ASTN1: variants seen among roughly 807,000 people sequenced by gnomAD.
ASTN1 encodes the protein astrotactin-1.
In ASTN1, 41 loss-of-function variants were observed where a neutral mutation model predicts 140.7. The observed-to-expected ratio is 0.29, with a 90% CI of 0.23 to 0.38. The LOEUF (loss-of-function observed/expected upper bound fraction) is 0.38. Ranked by LOEUF, ASTN1 falls within the 10% of genes least tolerant of loss-of-function variation. The pLI is 1.00. For synonymous variants in ASTN1, 640 were observed against 652.2 expected (o/e 0.98, Z 0.29); for missense variants, 1,479 against 1,678.8 (o/e 0.88, Z 2.08).
At chr1:177,065,434 C>G (rs1414557930) in intron 1 of ASTN1, among the ~76,000 whole-genome samples, 1 of 152,074 alleles carries the variant, frequency 6.6e-6, no homozygotes, top group African/African-American at 2.4e-5. Context: ...TTACATGGTC[C>G]CTATTCTCAA....
intron 20 of ASTN1, among the ~76,000 whole-genome samples, chr1:176,882,278 A>G (rs1668834929): frequency 6.6e-6 from 1 of 152,208 alleles, no homozygotes; most frequent in Non-Finnish European, 1.5e-5. Context: ...AGTTCTTGGT[A>G]TTCTATGCCT....
chr1:176,927,942 C>T (rs145706434), intron 16 of ASTN1, among the ~76,000 whole-genome samples: 3 of 152,000 alleles, frequency 2.0e-5, no homozygotes, highest in Admixed American at 6.6e-5. Flanking sequence ...GTCCCTCATC[C>T]ATATCTCTAA....
chr1:176,934,599 C>G (rs1372146889), intron 15 of ASTN1, among the ~76,000 whole-genome samples: 1 of 151,682 alleles, frequency 6.6e-6, no homozygotes, highest in African/African-American at 2.4e-5. Context: ...TACTCCTGTC[C>G]CCTTTAAATC....
At chr1:176,958,279 C>T in intron 10 of ASTN1, 66 bp downstream of exon 10, 1 of 1,607,290 alleles carries the variant, frequency 6.2e-7, no homozygotes, top group Non-Finnish European at 8.5e-7. Context: ...CACCTAAAAC[C>T]TACAGGTAGT....
In ASTN1 at chr1:176,925,967, A is replaced by G. The variant is rs562261018; in HGVS notation, c.2671+8185T>C. 1.1e-4 allele frequency among the ~76,000 whole-genome samples: 16 copies of G among 151,968 alleles called. 1 individual carries two copies. The South Asian group carries it at 2.7e-3, about 26-fold the overall frequency. The stretch of plus-strand genomic sequence containing the variant: ...ACTACAGGTGCCCGGCACCACGCCC[A>G]GCTAATTTTTTTGTATTTTTTAGTA... On this transcript the variant is annotated intron_variant, in intron 16 of 22. Transcript: ENST00000361833.
chr1:176,961,872 C>G (rs1672680092), intron 9 of ASTN1, among the ~76,000 whole-genome samples: 1 of 152,180 alleles, frequency 6.6e-6, no homozygotes, highest in African/African-American at 2.4e-5. Flanking sequence ...CTGGAGACAG[C>G]TGGTGCTGAC....
At chr1:177,064,128 T>C (rs1003268204) in intron 1 of ASTN1, among the ~76,000 whole-genome samples, 7 of 152,250 alleles carry the variant, frequency 4.6e-5, no homozygotes, top group East Asian at 1.9e-4. Context: ...AAGGCTGATG[T>C]GGATGAACAA....
At chr1:177,014,049 T>TAAA in intron 8 of ASTN1, among the ~76,000 whole-genome samples, 1 of 134,722 alleles carries the variant, frequency 7.4e-6, no homozygotes, top group Non-Finnish European at 1.6e-5. Flanking sequence ...ATGTCTCAAT[T>TAAA]AAAAAAAAAA....
At chr1:176,914,373 T>C (rs1329978246) in intron 16 of ASTN1, among the ~76,000 whole-genome samples, 1 of 152,212 alleles carries the variant, frequency 6.6e-6, no homozygotes, top group Non-Finnish European at 1.5e-5. Flanking sequence ...CAGGCTTCGC[T>C]GACTAGGTAG....
intron 1 of ASTN1, among the ~76,000 whole-genome samples, chr1:177,155,859 AG>A (rs1220262787): frequency 6.6e-6 from 1 of 152,206 alleles, no homozygotes; most frequent in Non-Finnish European, 1.5e-5. Flanking sequence ...TACATATGTT[AG>A]TAAAGACACA....
intron 8 of ASTN1, among the ~76,000 whole-genome samples, chr1:176,996,405 C>T (rs561257861): frequency 6.6e-6 from 1 of 152,082 alleles, no homozygotes; most frequent in African/African-American, 2.4e-5. Context: ...ATATCCAGAA[C>T]TTCCCAGGCA....
chr1:176,888,309 C>T, intron 17 of ASTN1, 105 bp from the exon 18 acceptor site: 1 of 1,356,478 alleles, frequency 7.4e-7, no homozygotes, highest in South Asian at 1.3e-5. Context: ...AAATTACTTC[C>T]AGCAGCAGGT....
At chr1:176,884,115 G>A (rs1668925792) in intron 19 of ASTN1, among the ~76,000 whole-genome samples, 1 of 152,152 alleles carries the variant, frequency 6.6e-6, no homozygotes, top group Non-Finnish European at 1.5e-5. Context: ...ACAAGGCTTT[G>A]TCAGATGCTC....
intron 9 of ASTN1, among the ~76,000 whole-genome samples, chr1:176,962,757 A>G (rs1672721177): frequency 6.6e-6 from 1 of 152,166 alleles, no homozygotes; most frequent in Admixed American, 6.5e-5. Flanking sequence ...GAACTTATGA[A>G]TTAATTAGTT....
intron 1 of ASTN1, among the ~76,000 whole-genome samples, chr1:177,127,727 C>A (rs1317120050): frequency 2.6e-5 from 4 of 152,214 alleles, no homozygotes; most frequent in Admixed American, 1.3e-4. Context: ...AGCCATCTGA[C>A]ATATTTGGCC....
At position 176,861,854 on chromosome 1, in the gene ASTN1, T is replaced by C. The variant is rs937886045; in HGVS notation, c.*2430A>G. The C allele has an allele frequency of 6.1e-6, 6 of 985,016 alleles. No homozygotes were observed. Among genetic ancestry groups the C allele is most frequent in the Non-Finnish European group, 7.2e-6 (6 of 829,716 alleles). The allele number at this position is 985,016 out of a possible 1,614,324, so 61.0% of individuals were successfully genotyped here. A position where few individuals can be genotyped will look rare whatever the true frequency, so the allele number is the denominator to read the frequency against. Reference sequence around the variant, plus strand: ...GGAACTTGGGAGACTGAGGGAAAGATAGGAGAGAGGAAGATAGTGTGCCTA... The same window carrying C: ...GGAACTTGGGAGACTGAGGGAAAGACAGGAGAGAGGAAGATAGTGTGCCTA... On this transcript the variant is annotated 3_prime_UTR_variant, in exon 23 of 23. Transcript: ENST00000361833.
intron 2 of ASTN1, among the ~76,000 whole-genome samples, chr1:177,034,984 A>G (rs531758054): frequency 1.4e-4 from 21 of 152,254 alleles, no homozygotes; most frequent in Middle Eastern, 6.8e-3. Flanking sequence ...TTCTCCTTTC[A>G]GATGATCACA....
At chr1:177,040,287 C>T (rs1676913577) in intron 2 of ASTN1, among the ~76,000 whole-genome samples, 1 of 152,206 alleles carries the variant, frequency 6.6e-6, no homozygotes, top group South Asian at 2.1e-4. Flanking sequence ...TTGCCACGGG[C>T]CACTAAGTTA....
At chr1:176,859,997 T>C (rs1309418347), downstream of ASTN1, among the ~76,000 whole-genome samples, 1 of 152,134 alleles carries the variant, frequency 6.6e-6, no homozygotes, top group African/African-American at 2.4e-5. Flanking sequence ...TGTTTGGTTC[T>C]TTGGCATGGT....
Sources: allele counts gnomAD v4.1 joint callset (sites outside exome capture counted in the v4.1 genomes callset), GRCh38; gene constraint gnomAD v4.1.1; transcripts MANE v1.5; gene names NCBI Gene and HGNC (gene_info 2026-07-23, HGNC 2026-07-21).